The following BIN1 variants were observed in gnomAD, a reference collection of about 807,000 sequenced individuals.
BIN1 encodes myc box-dependent-interacting protein 1.
A neutral mutation model predicts 82.0 loss-of-function variants in BIN1; 53 were observed. The observed-to-expected ratio is 0.65, with a 90% confidence interval of 0.52 to 0.81. The LOEUF (loss-of-function observed/expected upper bound fraction) is 0.81. Ranked by LOEUF, BIN1 falls within the 40% of genes least tolerant of loss-of-function variation. The pLI is 0.00. For synonymous variants in BIN1, 302 were observed against 328.0 expected (o/e 0.92, Z 0.86); for missense variants, 642 against 784.4 (o/e 0.82, Z 2.17).
chr2:127,090,422 G>A lies in BIN1; in HGVS notation c.85-13716C>T, dbSNP rs1330653197. ...AGGGCGACCCTCCACCACTTCAGTT[G>A]TGCTGGGTGGGGCTCGCTGAGGACA... On this transcript the variant is annotated intron_variant, in intron 1 of 18. Transcript: ENST00000316724. This position sits in a 1 kb window ranked among gnomAD's most constrained non-coding sequence, Gnocchi z 6.4. Among the ~76,000 whole-genome samples the A allele has an allele frequency of 6.6e-6, 1 of 152,244 alleles. No individual in the cohort carries two copies. The highest frequency in any genetic ancestry group is 6.5e-5 in the Admixed American group (1 of 15,284).
intron 1 of BIN1, among the ~76,000 whole-genome samples, chr2:127,089,574 T>C (rs1027754732): frequency 5.3e-5 from 8 of 152,026 alleles, no homozygotes; most frequent in Non-Finnish European, 5.9e-5. Flanking sequence ...GCAGACACAA[T>C]GGCCAGGAAC....
intron 11 of BIN1, 135 bp downstream of exon 11, chr2:127,058,876 C>G: frequency 1.5e-6 from 2 of 1,359,202 alleles, no homozygotes; most frequent in South Asian, 1.4e-5. Context: ...GGCCCAACCC[C>G]CACTGGGCAA....
chr2:127,052,254 C>A lies in BIN1; in HGVS notation c.1371+1G>T, dbSNP rs556129959. On this transcript the variant is annotated splice_donor_variant, in intron 15 of 18. Coordinates refer to ENST00000316724, the MANE Select transcript of BIN1 (RefSeq NM_139343.3). LOFTEE classifies it high-confidence loss of function. ...GACAGGGGCTGGAGGTGGGCACTTACTTGGGCAGGCCCCGGCTCGGCCGTC... is the reference window on the plus strand; with the variant it reads ...GACAGGGGCTGGAGGTGGGCACTTAATTGGGCAGGCCCCGGCTCGGCCGTC... The A allele has an allele frequency of 8.3e-6, 13 of 1,569,558 alleles. No individual in the cohort carries two copies. In the African/African-American group the frequency reaches 1.5e-4, roughly 18 times the overall value.
chr2:127,069,174 C>T, intron 5 of BIN1, 143 bp from the exon 6 acceptor site: 1 of 745,500 alleles, frequency 1.3e-6, no homozygotes, highest in South Asian at 1.7e-5. Context: ...CTGGAACCCT[C>T]CTCGTGGCAG....
intron 2 of BIN1, 126 bp from the exon 3 acceptor site, chr2:127,070,942 G>A: frequency 1.1e-6 from 1 of 946,816 alleles, no homozygotes. Context: ...CTGATCAGCT[G>A]ACCTCCCAAC....
chr2:127,079,123 A>T lies in BIN1; in HGVS notation c.85-2417T>A, dbSNP rs1337380117. 2.6e-5 allele frequency among the ~76,000 whole-genome samples: 4 copies of T among 152,206 alleles called. No individual in the cohort carries two copies. The South Asian group carries it at 8.3e-4, about 31-fold the overall frequency. ...GCTCCTGAGGTGTACAGAGACAGAC[A>T]CACACTCGACCCAGTTCCCAAACAC... is the stretch of plus-strand genomic sequence containing the variant. On this transcript the variant is annotated intron_variant, in intron 1 of 18. Coordinates refer to ENST00000316724, the MANE Select transcript of BIN1 (RefSeq NM_139343.3).
chr2:127,070,195 A>G (rs1366863512), intron 4 of BIN1, 105 bp from the exon 5 acceptor site: 4 of 909,874 alleles, frequency 4.4e-6, no homozygotes, highest in Non-Finnish European at 7.0e-6. Context: ...TTCACAGCTC[A>G]GTGGCTTCTC....
intron 14 of BIN1, 47 bp from the exon 15 acceptor site, chr2:127,052,409 G>A (rs778204035): frequency 1.1e-5 from 17 of 1,501,860 alleles, no homozygotes; most frequent in South Asian, 9.6e-5. Context: ...CGGGGAGGCC[G>A]GGGTGGAAAG....
chr2:127,054,118 CAT>C, intron 12 of BIN1, 106 bp from the exon 13 acceptor site: 2 of 874,044 alleles, frequency 2.3e-6, no homozygotes, highest in South Asian at 2.9e-5. Flanking sequence ...GACACACACA[CAT>C]ACACACACCA....
chr2:127,053,914 G>T lies in BIN1; in HGVS notation c.1230C>A (p.Pro410=). Residue 410 remains proline, a synonymous_variant, in exon 13 of 19, where the codon CCC becomes CCA. Coordinates refer to ENST00000316724, the MANE Select transcript of BIN1 (RefSeq NM_139343.3). Reference sequence around the variant, plus strand: ...GGTGGGCACAACCAACCTGACCAGAGGGCGTGGGTGCCTTCACAGGGCTCG... The same window carrying T: ...GGTGGGCACAACCAACCTGACCAGATGGCGTGGGTGCCTTCACAGGGCTCG... ...PVTSPVKAPT[P]SGQSIPWDLW... is the part of the protein sequence containing the mutation. The T allele has an allele frequency of 1.9e-6, 3 of 1,551,246 alleles. No homozygotes were observed. Among genetic ancestry groups the T allele is most frequent in the Non-Finnish European group, 2.6e-6 (3 of 1,146,956 alleles).
rs1355204668 is a variant in BIN1, at chr2:127,067,793, C to A, written c.612+370G>T. ...CAGAGTTGTCATGTGGCTTGAAGGA[C>A]AGGCATGGCAGTACAGGGGCCTGAT... On this transcript the variant is annotated intron_variant, in intron 7 of 18. Coordinates refer to ENST00000316724, the MANE Select transcript of BIN1 (RefSeq NM_139343.3). The surrounding 1 kb of genome is among the most constrained non-coding windows in gnomAD (Gnocchi z 4.7). 6.6e-6 allele frequency among the ~76,000 whole-genome samples: 1 copy of A among 152,192 alleles called. No homozygotes were observed.
chr2:127,072,367 T>C (rs3754609), intron 2 of BIN1, among the ~76,000 whole-genome samples: 25,180 of 152,092 alleles, frequency 0.17, 2,420 homozygotes, highest in East Asian at 0.3. Context: ...AACACCACTG[T>C]CCCACCTGAC....
chr2:127,050,674 G>T, intron 17 of BIN1, 128 bp downstream of exon 17: 1 of 1,336,220 alleles, frequency 7.5e-7, no homozygotes, highest in Non-Finnish European at 1.1e-6. Context: ...ATGCCACCTT[G>T]CTGGCTGGGA....
chr2:127,106,736 C>T (rs1391200891), intron 1 of BIN1, 124 bp downstream of exon 1: 15 of 1,263,220 alleles, frequency 1.2e-5, no homozygotes, highest in African/African-American at 1.5e-5. Flanking sequence ...AAGCGCTCCT[C>T]TAGAGGTGAC....
intron 1 of BIN1, among the ~76,000 whole-genome samples, chr2:127,078,213 G>A (rs1162855236): frequency 4.6e-5 from 7 of 152,202 alleles, no homozygotes; most frequent in Middle Eastern, 3.2e-3. Context: ...AGAAGCCTTG[G>A]CAAGGCCAGC....
intron 18 of BIN1, 115 bp from the exon 19 acceptor site, chr2:127,048,748 C>T: frequency 2.1e-6 from 2 of 965,132 alleles, no homozygotes; most frequent in Non-Finnish European, 1.6e-6. Flanking sequence ...GTTGGTGCCT[C>T]AGCCTGCCAA....
At position 127,068,301 on chromosome 2, in the gene BIN1, G is replaced by A; in HGVS notation, c.520-46C>T. ...CAAAGGAAGGTGGAGAGACCAGGGA[G>A]GTGGGGAGAGAGAAACAGAGACACA... On this transcript the variant is annotated intron_variant, in intron 6 of 18. Coordinates refer to ENST00000316724, the MANE Select transcript of BIN1 (RefSeq NM_139343.3). The surrounding 1 kb of genome is among the most constrained non-coding windows in gnomAD (Gnocchi z 4.9). The A allele has an allele frequency of 6.7e-7, 1 of 1,495,496 alleles. No homozygotes were observed. The highest frequency in any genetic ancestry group is 9.2e-7 in the Non-Finnish European group (1 of 1,086,288). The allele number at this position is 1,495,496 out of a possible 1,614,324, so 92.6% of individuals were successfully genotyped here.
rs772566024 is a variant in BIN1, at chr2:127,070,616, C to T, written c.252G>A (p.Glu84=). 1.2e-5 allele frequency: 20 copies of T among 1,614,136 alleles called. No individual in the cohort carries two copies. The highest frequency in any genetic ancestry group is 3.3e-5 in the South Asian group (3 of 91,084). ...AMHEASKKLN[E]CLQEVYEPDW... ...CGGGCTCATACACCTCCTGCAGACACTCATTCAGCTTCTTGGAAGCCTCGT... is the reference window on the plus strand; with the variant it reads ...CGGGCTCATACACCTCCTGCAGACATTCATTCAGCTTCTTGGAAGCCTCGT... The change falls in exon 4 of 19, where the codon GAG becomes GAA. Residue 84 remains glutamate, a synonymous_variant. Transcript: ENST00000316724.
chr2:127,081,869 AGGGC>A (rs1687336126), intron 1 of BIN1: 13 of 1,286,970 alleles, frequency 1.0e-5, no homozygotes, highest in Admixed American at 2.3e-5. Context: ...CTGCACAGGA[AGGGC>A]GGGCTGAGAA....
Sources: gnomAD v4.1 joint callset for allele counts (sites outside exome capture counted in the v4.1 genomes callset) on GRCh38, gnomAD v4.1.1 for gene constraint, Gnocchi (gnomAD v3.1) non-coding constraint, MANE v1.5 for transcripts, NCBI Gene and HGNC (gene_info 2026-07-23, HGNC 2026-07-21) for gene names.